The following SLC24A3 variants were observed in gnomAD, a reference collection of about 807,000 sequenced individuals.
SLC24A3 encodes solute carrier family 24 member 3, also known as sodium/potassium/calcium exchanger 3.
In SLC24A3, 28 loss-of-function variants were observed where a neutral mutation model predicts 75.8. The observed-to-expected ratio is 0.37, with a 90% confidence interval of 0.27 to 0.51. SLC24A3 has a LOEUF of 0.51. Ranked by LOEUF, SLC24A3 falls within the 20% of genes least tolerant of loss-of-function variation. The pLI is 0.94. For synonymous variants in SLC24A3, 372 were observed against 334.1 expected, an observed-to-expected ratio of 1.11 and a Z score of -1.24; for missense variants, 663 against 847.8, an observed-to-expected ratio of 0.78 and a Z score of 2.71.
intron 3 of SLC24A3, among the ~76,000 whole-genome samples, chr20:19,529,876 CTT>C (rs577871019): frequency 4.0e-4 from 61 of 152,316 alleles, no homozygotes; most frequent in Middle Eastern, 3.4e-3. Context: ...TGATTCCACT[CTT>C]TGCTCTGCTG....
At chr20:19,346,218 ATATGTATATATGGTATATATATATGGTG>A (rs1985413058) in intron 2 of SLC24A3, among the ~76,000 whole-genome samples, 2 of 42,106 alleles carry the variant, frequency 4.7e-5, no homozygotes, top group Admixed American at 6.6e-4. Context: ...TATATGGTGT[ATATGTATATATGGTATATATATATGGTG>A]TATATATATA....
chr20:19,640,019 C>A (rs2032056517), intron 6 of SLC24A3, among the ~76,000 whole-genome samples: 1 of 152,254 alleles, frequency 6.6e-6, no homozygotes, highest in African/African-American at 2.4e-5. Flanking sequence ...GCCTCTCCCT[C>A]CACACCTCCC....
At chr20:19,382,236 G>A (rs772177060) in intron 2 of SLC24A3, among the ~76,000 whole-genome samples, 13 of 152,112 alleles carry the variant, frequency 8.5e-5, no homozygotes, top group Non-Finnish European at 1.6e-4. Context: ...GAGGAAAATC[G>A]CACTTCTTAT....
At chr20:19,434,311 G>A (rs1040330218) in intron 2 of SLC24A3, among the ~76,000 whole-genome samples, 2 of 152,168 alleles carry the variant, frequency 1.3e-5, no homozygotes, top group Admixed American at 6.5e-5. Context: ...CCGCAGCGAG[G>A]GCTTGGGAAA....
intron 2 of SLC24A3, among the ~76,000 whole-genome samples, chr20:19,310,734 C>G (rs1054829129): frequency 1.3e-5 from 2 of 152,204 alleles, no homozygotes; most frequent in Non-Finnish European, 2.9e-5. Context: ...CCTTCAGCTT[C>G]CAGTTACATA....
At chr20:19,453,016 T>C (rs2328426) in intron 2 of SLC24A3, among the ~76,000 whole-genome samples, 60,412 of 151,738 alleles carry the variant, frequency 0.4, 12,174 homozygotes, top group South Asian at 0.46. Context: ...ACCCCATCTC[T>C]ACTAACAATA....
At chr20:19,468,778 T>C (rs932407441) in intron 2 of SLC24A3, among the ~76,000 whole-genome samples, 3 of 152,138 alleles carry the variant, frequency 2.0e-5, no homozygotes, top group Admixed American at 6.5e-5. Flanking sequence ...GTATGTTGGG[T>C]TTAACCATGG....
At chr20:19,716,219 C>T (rs1267442882) in intron 15 of SLC24A3, among the ~76,000 whole-genome samples, 1 of 152,084 alleles carries the variant, frequency 6.6e-6, no homozygotes, top group African/African-American at 2.4e-5. Context: ...TAAGGAATCT[C>T]TTCTATTTTG....
intron 11 of SLC24A3, 119 bp from the exon 12 acceptor site, chr20:19,684,981 C>A: frequency 7.6e-7 from 1 of 1,315,444 alleles, no homozygotes; most frequent in East Asian, 2.4e-5. Context: ...AACTTGACTC[C>A]AGGGTCTTCT....
intron 2 of SLC24A3, among the ~76,000 whole-genome samples, chr20:19,345,272 A>G (rs2122314600): frequency 6.6e-6 from 1 of 152,336 alleles, no homozygotes; most frequent in East Asian, 1.9e-4. Context: ...TCAAAAAAAG[A>G]ACTAAATGGA....
chr20:19,259,130 T>G (rs1251085270), intron 1 of SLC24A3, among the ~76,000 whole-genome samples: 1 of 152,196 alleles, frequency 6.6e-6, no homozygotes, highest in Non-Finnish European at 1.5e-5. Context: ...CAGGAGGACA[T>G]CTTGCTGGTA....
chr20:19,634,095 C>T (rs2031970472), intron 6 of SLC24A3, among the ~76,000 whole-genome samples: 1 of 152,152 alleles, frequency 6.6e-6, no homozygotes, highest in Non-Finnish European at 1.5e-5. Context: ...ATAGGCATGG[C>T]CATTCCTAAA....
In SLC24A3 at chr20:19,559,032, G is replaced by A. The variant is rs377457319; in HGVS notation, c.349-20968G>A. Among the ~76,000 whole-genome samples, 72 of 152,270 alleles carry A rather than the reference G, an allele frequency of 4.7e-4. No individual in the cohort carries two copies. In the Middle Eastern group the frequency reaches 0.01, roughly 22 times the overall value. ...GCCATGTAAGTATAGGTTGAATTTTGTAAGAAACTACCAAACTGTTTTACA... is the reference window on the plus strand; with the variant it reads ...GCCATGTAAGTATAGGTTGAATTTTATAAGAAACTACCAAACTGTTTTACA... On this transcript the variant is annotated intron_variant, in intron 3 of 16. Coordinates refer to ENST00000328041, the MANE Select transcript of SLC24A3 (RefSeq NM_020689.4).
intron 7 of SLC24A3, among the ~76,000 whole-genome samples, chr20:19,661,067 C>T (rs58196464): frequency 0.048 from 7,350 of 152,236 alleles, 599 homozygotes; most frequent in African/African-American, 0.17. Context: ...AGGAGCCTTT[C>T]ATCTCTAACA....
In SLC24A3 at chr20:19,669,062, T is replaced by C. The variant is rs1479139374; in HGVS notation, c.713+3173T>C. Among the ~76,000 whole-genome samples, 5 of 152,330 alleles carry C rather than the reference T, an allele frequency of 3.3e-5. No homozygotes were observed. The East Asian group carries it at 9.6e-4, about 29-fold the overall frequency. On this transcript the variant is annotated intron_variant, in intron 8 of 16. Transcript: ENST00000328041. Reference sequence around the variant, plus strand: ...CCAATCATGATTCATGCTCAGGGCCTGGGGTCAGGCGCACCCTCTTTGAGA... The same window carrying C: ...CCAATCATGATTCATGCTCAGGGCCCGGGGTCAGGCGCACCCTCTTTGAGA...
chr20:19,659,726 A>G (rs994017199), intron 7 of SLC24A3, among the ~76,000 whole-genome samples: 1 of 152,276 alleles, frequency 6.6e-6, no homozygotes, highest in Admixed American at 6.5e-5. Flanking sequence ...GGTGTCTGAC[A>G]TGGTGCAGCT....
chr20:19,617,437 G>C (rs1220059656), intron 6 of SLC24A3, among the ~76,000 whole-genome samples: 1 of 152,226 alleles, frequency 6.6e-6, no homozygotes, highest in Non-Finnish European at 1.5e-5. Flanking sequence ...GCCTCTAGCA[G>C]TGAGGAAGGG....
intron 3 of SLC24A3, among the ~76,000 whole-genome samples, chr20:19,557,675 C>T (rs1218664285): frequency 6.6e-6 from 1 of 152,266 alleles, no homozygotes; most frequent in East Asian, 1.9e-4. Flanking sequence ...TGCATTAAGA[C>T]AGAAAATACC....
chr20:19,681,527 C>T (rs1336896757), intron 9 of SLC24A3, among the ~76,000 whole-genome samples: 1 of 152,178 alleles, frequency 6.6e-6, no homozygotes, highest in Non-Finnish European at 1.5e-5. Context: ...TAGCACAGTC[C>T]TTCCATGTGC....
Sources: gnomAD v4.1 joint callset for allele counts (sites outside exome capture counted in the v4.1 genomes callset) on GRCh38, gnomAD v4.1.1 for gene constraint, MANE v1.5 for transcripts, NCBI Gene and HGNC (gene_info 2026-07-23, HGNC 2026-07-21) for gene names.